Variants in ERBB4 observed in about 807,000 individuals in gnomAD.
ERBB4 encodes the protein erb-b2 receptor tyrosine kinase 4.
ERBB4 carries 42 observed loss-of-function variants against 158.0 expected under a neutral mutation model. The ratio of observed to expected loss-of-function variants is 0.27; its 90% CI spans 0.21 to 0.34. The LOEUF is 0.34. Among genes scored for constraint, ERBB4 ranks in the 10% least tolerant of loss-of-function variants. The probability of loss-of-function intolerance (pLI) is 1.00; values close to 1 mark genes in which losing one functional copy is unlikely to be tolerated. For missense variants in ERBB4, 1,333 were observed against 1,624.1 expected (o/e 0.82, Z 3.08); for synonymous variants, 583 against 558.7 (o/e 1.04, Z -0.61).
At chr2:211,690,938 T>C (rs1428394690) in intron 12 of ERBB4, among the ~76,000 whole-genome samples, 1 of 152,214 alleles carries the variant, frequency 6.6e-6, no homozygotes, top group Non-Finnish European at 1.5e-5. Flanking sequence ...GAATTCCAGC[T>C]GTCTGTTAAA....
chr2:211,437,177 T>C (rs550788620), intron 20 of ERBB4, among the ~76,000 whole-genome samples: 1 of 152,210 alleles, frequency 6.6e-6, no homozygotes, highest in South Asian at 2.1e-4. Context: ...ATCTGACTAT[T>C]TTTTATACCT....
chr2:212,147,933 C>T (rs1466833674), intron 1 of ERBB4, among the ~76,000 whole-genome samples: 1 of 152,114 alleles, frequency 6.6e-6, no homozygotes, highest in Admixed American at 6.6e-5. Flanking sequence ...CTTTCTCCAT[C>T]TTTCCATTTC....
At chr2:211,650,830 T>C (rs2070954758) in intron 16 of ERBB4, among the ~76,000 whole-genome samples, 1 of 152,220 alleles carries the variant, frequency 6.6e-6, no homozygotes, top group African/African-American at 2.4e-5. Flanking sequence ...TAACACATTA[T>C]TAATAAGATA....
intron 1 of ERBB4, among the ~76,000 whole-genome samples, chr2:212,356,697 A>C (rs2106352484): frequency 7.4e-6 from 1 of 134,590 alleles, no homozygotes; most frequent in African/African-American, 2.8e-5. Context: ...CTACTGAGTC[A>C]CAGATGGACA....
chr2:212,269,298 G>T (rs767988426), intron 1 of ERBB4, among the ~76,000 whole-genome samples: 5 of 151,874 alleles, frequency 3.3e-5, no homozygotes, highest in Non-Finnish European at 7.4e-5. Context: ...ATGCCAGTGA[G>T]AAATCAGAAA....
At chr2:211,968,520 CT>C (rs1436609342) in intron 2 of ERBB4, among the ~76,000 whole-genome samples, 4 of 152,026 alleles carry the variant, frequency 2.6e-5, no homozygotes, top group African/African-American at 9.7e-5. Flanking sequence ...CTACTTCACC[CT>C]ATCAGTTTCT....
intron 2 of ERBB4, among the ~76,000 whole-genome samples, chr2:212,117,390 C>T (rs1028717490): frequency 2.0e-5 from 3 of 152,060 alleles, no homozygotes; most frequent in Admixed American, 6.6e-5. Flanking sequence ...CTAATGATGG[C>T]GAAGTCTAGG....
At chr2:211,410,481 G>C (rs1343076871) in intron 25 of ERBB4, among the ~76,000 whole-genome samples, 3 of 152,110 alleles carry the variant, frequency 2.0e-5, no homozygotes, top group Non-Finnish European at 4.4e-5. Context: ...AAAATAATAA[G>C]ATTAACATTT....
rs144095602 is a variant in ERBB4 at position 211,789,231 on chromosome 2, G to A, written c.422-1072C>T. Among the ~76,000 whole-genome samples, 94 of 152,200 alleles carry A rather than the reference G, an allele frequency of 6.2e-4. 1 individual carries two copies. The highest frequency in any genetic ancestry group is 2.2e-3 in the African/African-American group (90 of 41,530). On this transcript the variant is annotated intron_variant, in intron 3 of 27. Coordinates refer to ENST00000342788, the MANE Select transcript of ERBB4 (RefSeq NM_005235.3). The stretch of plus-strand genomic sequence containing the variant: ...GAAATCATGCATCAGTCCATAAAGT[G>A]TTCAACTACAATTAATCAAAACCCA...
intron 19 of ERBB4, among the ~76,000 whole-genome samples, chr2:211,617,336 T>A (rs2069429038): frequency 6.6e-6 from 1 of 152,096 alleles, no homozygotes; most frequent in South Asian, 2.1e-4. Context: ...TTCTACTTTT[T>A]AAAAAATTTC....
intron 1 of ERBB4, among the ~76,000 whole-genome samples, chr2:212,486,370 G>A (rs73063189): frequency 0.056 from 8,466 of 151,976 alleles, 418 homozygotes; most frequent in African/African-American, 0.12. Flanking sequence ...CATAATGCAC[G>A]GAAAATCAAT....
At chr2:212,081,265 T>C (rs2078434377) in intron 2 of ERBB4, among the ~76,000 whole-genome samples, 1 of 152,120 alleles carries the variant, frequency 6.6e-6, no homozygotes, top group Non-Finnish European at 1.5e-5. Flanking sequence ...GCATGGAGAT[T>C]GTAAGAGATG....
At chr2:211,939,356 C>G (rs1394751368) in intron 3 of ERBB4, among the ~76,000 whole-genome samples, 1 of 151,836 alleles carries the variant, frequency 6.6e-6, no homozygotes, top group Non-Finnish European at 1.5e-5. Flanking sequence ...AAGATATCTG[C>G]CAGGTCAGCA....
At chr2:212,165,091 G>A (rs926832337) in intron 1 of ERBB4, among the ~76,000 whole-genome samples, 6 of 151,742 alleles carry the variant, frequency 4.0e-5, no homozygotes, top group African/African-American at 1.2e-4. Context: ...ACTAACATCC[G>A]TCCCTCCTGT....
chr2:212,057,993 C>G (rs757241757), intron 2 of ERBB4, among the ~76,000 whole-genome samples: 3 of 151,430 alleles, frequency 2.0e-5, no homozygotes, highest in Non-Finnish European at 4.4e-5. Flanking sequence ...AATCCAGGAG[C>G]TGGTTGTTTT....
intron 2 of ERBB4, among the ~76,000 whole-genome samples, chr2:212,110,007 T>C (rs751041139): frequency 5.3e-5 from 8 of 152,172 alleles, no homozygotes; most frequent in Non-Finnish European, 1.2e-4. Context: ...CTCAAGCAAG[T>C]CAGGTAACCT....
At chr2:212,141,701 T>G (rs1198161777) in intron 1 of ERBB4, among the ~76,000 whole-genome samples, 1 of 151,998 alleles carries the variant, frequency 6.6e-6, no homozygotes, top group Non-Finnish European at 1.5e-5. Context: ...CAAAACCATA[T>G]GCAAATCCAT....
chr2:212,491,183 A>C (rs1690258360), intron 1 of ERBB4, among the ~76,000 whole-genome samples: 1 of 151,634 alleles, frequency 6.6e-6, no homozygotes, highest in African/African-American at 2.4e-5. Flanking sequence ...TTAGCCCTAG[A>C]ACTTGTGAGG....
intron 1 of ERBB4, among the ~76,000 whole-genome samples, chr2:212,454,114 T>A (rs1447401444): frequency 6.6e-6 from 1 of 151,844 alleles, no homozygotes; most frequent in African/African-American, 2.4e-5. Flanking sequence ...CTAATTTTTG[T>A]ATTTTTAGTA....
Sources: gnomAD v4.1 joint callset for allele counts (sites outside exome capture counted in the v4.1 genomes callset) on GRCh38, gnomAD v4.1.1 for gene constraint, MANE v1.5 for transcripts, NCBI Gene and HGNC (gene_info 2026-07-23, HGNC 2026-07-21) for gene names.